Variants in SAMMSON observed in about 807,000 individuals in gnomAD.
SAMMSON encodes survival associated mitochondrial melanoma specific oncogenic non-coding RNA.
intron 4 of SAMMSON, among the ~76,000 whole-genome samples, chr3:70,103,638 C>T (rs2067354515): frequency 6.6e-6 from 1 of 152,154 alleles, no homozygotes; most frequent in African/African-American, 2.4e-5. Context: ...AAACTTACTA[C>T]TGCACAAGAT....
chr3:70,164,676 G>A (rs1046475607), intron 4 of SAMMSON, among the ~76,000 whole-genome samples: 1 of 152,008 alleles, frequency 6.6e-6, no homozygotes, highest in Non-Finnish European at 1.5e-5. Flanking sequence ...GCTTGGACAA[G>A]TTTTTTAACC....
chr3:70,319,516 A>C (rs1702520573), intron 7 of SAMMSON, among the ~76,000 whole-genome samples: 1 of 152,110 alleles, frequency 6.6e-6, no homozygotes, highest in Non-Finnish European at 1.5e-5. Flanking sequence ...TCAATCACAC[A>C]GTAGAGATAG....
intron 4 of SAMMSON, among the ~76,000 whole-genome samples, chr3:70,138,637 A>C (rs1439400692): frequency 2.0e-5 from 3 of 152,200 alleles, no homozygotes; most frequent in African/African-American, 7.2e-5. Context: ...TCTTTCTCAC[A>C]CACAAGATAC....
At chr3:70,208,112 G>A (rs1212366347) in intron 4 of SAMMSON, among the ~76,000 whole-genome samples, 1 of 152,048 alleles carries the variant, frequency 6.6e-6, no homozygotes, top group African/African-American at 2.4e-5. Flanking sequence ...GGTGCAGTTA[G>A]CTTATAACTT....
intron 7 of SAMMSON, among the ~76,000 whole-genome samples, chr3:70,316,414 T>C (rs1041357837): frequency 2.0e-5 from 3 of 152,142 alleles, no homozygotes; most frequent in Admixed American, 1.3e-4. Context: ...AGGACTATCA[T>C]TTATAGAGCT....
At chr3:70,129,674 C>T (rs1490802592) in intron 4 of SAMMSON, among the ~76,000 whole-genome samples, 1 of 151,984 alleles carries the variant, frequency 6.6e-6, no homozygotes, top group Non-Finnish European at 1.5e-5. Context: ...TGAAACTAAC[C>T]CTAATTAAAC....
intron 7 of SAMMSON, among the ~76,000 whole-genome samples, chr3:70,298,588 A>G (rs1702314422): frequency 2.6e-5 from 4 of 152,126 alleles, no homozygotes; most frequent in Non-Finnish European, 5.9e-5. Flanking sequence ...TTTCATAACT[A>G]AGTCCTCTTT....
chr3:70,005,593 C>T (rs1426395167), intron 1 of SAMMSON, among the ~76,000 whole-genome samples: 3 of 152,122 alleles, frequency 2.0e-5, no homozygotes, highest in African/African-American at 4.8e-5. Context: ...CCATATTCCA[C>T]CAGCCAAAGC....
chr3:70,284,157 C>T (rs184334796), intron 6 of SAMMSON, among the ~76,000 whole-genome samples: 53 of 152,156 alleles, frequency 3.5e-4, no homozygotes, highest in African/African-American at 1.2e-3. Context: ...GCAAGAGTCA[C>T]AGTGTATTTC....
intron 4 of SAMMSON, among the ~76,000 whole-genome samples, chr3:70,145,127 C>T (rs1576134447): frequency 1.3e-5 from 2 of 152,032 alleles, no homozygotes; most frequent in East Asian, 3.9e-4. Context: ...TCTCAGGTCA[C>T]AGAAAACCCA....
chr3:70,418,708 AG>A (rs1346148831), intron 2 of SAMMSON, among the ~76,000 whole-genome samples: 1 of 152,160 alleles, frequency 6.6e-6, no homozygotes, highest in Non-Finnish European at 1.5e-5. Context: ...ACCTAGAAAA[AG>A]GGCAGAGTAC....
Position 70,375,272 on chromosome 3 carries a change from G to A in SAMMSON, n.914-14302G>A, listed in dbSNP as rs145404204. 6.3e-3 allele frequency among the ~76,000 whole-genome samples: 952 copies of A among 151,990 alleles called. 11 individuals are homozygous for A. Among genetic ancestry groups the A allele is most frequent in the African/African-American group, 0.021 (882 of 41,458 alleles). ...TTTGTATAATGTTCTTGCATTTCCC[G>A]TGTGGTCTTAGAGGTGATAGCTTCA... On this transcript the variant is annotated intron_variant and non_coding_transcript_variant, in intron 9 of 9. Coordinates refer to ENST00000642114, the Ensembl canonical transcript of SAMMSON.
chr3:70,160,974 T>G (rs2067612351), intron 4 of SAMMSON, among the ~76,000 whole-genome samples: 1 of 152,094 alleles, frequency 6.6e-6, no homozygotes, highest in Admixed American at 6.6e-5. Context: ...TTTTTGGATT[T>G]TGTATTCATA....
intron 3 of SAMMSON, among the ~76,000 whole-genome samples, chr3:70,029,705 A>G (rs557370497): frequency 6.7e-6 from 1 of 149,842 alleles, no homozygotes; most frequent in East Asian, 2.0e-4. Context: ...CAGTGAGCCG[A>G]GATCACACCA....
chr3:70,351,916 T>C (rs1183307440), intron 7 of SAMMSON, among the ~76,000 whole-genome samples: 1 of 152,000 alleles, frequency 6.6e-6, no homozygotes, highest in Non-Finnish European at 1.5e-5. Flanking sequence ...CCCAACTGAA[T>C]TGTAGGACAA....
intron 3 of SAMMSON, among the ~76,000 whole-genome samples, chr3:70,020,636 G>A (rs78050330): frequency 3.9e-5 from 6 of 151,916 alleles, no homozygotes; most frequent in East Asian, 3.9e-4. Context: ...ATTTCTCTTC[G>A]CCTTCTAATC....
intron 4 of SAMMSON, among the ~76,000 whole-genome samples, chr3:70,103,035 A>G (rs2067352024): frequency 6.6e-6 from 1 of 152,296 alleles, no homozygotes; most frequent in South Asian, 2.1e-4. Flanking sequence ...AATGGGTCAT[A>G]TAAATATGTA....
chr3:70,046,228 A>AT (rs900016207), intron 3 of SAMMSON, among the ~76,000 whole-genome samples: 55 of 151,926 alleles, frequency 3.6e-4, no homozygotes, highest in African/African-American at 1.3e-3. Context: ...TGAGCAACAT[A>AT]TTTTTTTTGA....
chr3:70,058,081 C>T (rs866342157), intron 3 of SAMMSON, among the ~76,000 whole-genome samples: 5 of 151,990 alleles, frequency 3.3e-5, no homozygotes, highest in African/African-American at 1.2e-4. Flanking sequence ...TTGAGAAGAA[C>T]GCCATCTAAA....
Sources: gnomAD v4.1 joint callset for allele counts (sites outside exome capture counted in the v4.1 genomes callset) on GRCh38, gnomAD v4.1.1 for gene constraint, MANE v1.5 for transcripts, NCBI Gene and HGNC (gene_info 2026-07-23, HGNC 2026-07-21) for gene names.